Variants in ART3 observed in about 807,000 individuals in gnomAD.
The protein encoded by ART3 is ecto-ADP-ribosyltransferase 3.
Under a neutral mutation model 48.5 loss-of-function variants are expected in ART3, and 49 were observed. That is an observed-to-expected ratio of 1.01 (90% CI 0.80 to 1.28). ART3 has a LOEUF of 1.28. ART3 is among the 50% of genes most tolerant of loss of function. ART3 has a pLI of 0.00. For missense variants in ART3, 438 were observed against 454.3 expected, an observed-to-expected ratio of 0.96 and a Z score of 0.33; for synonymous variants, 145 against 157.2, an observed-to-expected ratio of 0.92 and a Z score of 0.58.
chr4:76,086,928 C>T (rs1185347892), intron 3 of ART3, among the ~76,000 whole-genome samples: 1 of 152,100 alleles, frequency 6.6e-6, no homozygotes, highest in Non-Finnish European at 1.5e-5. Flanking sequence ...GAAAACACTG[C>T]AAACCAGGGT....
chr4:76,100,398 C>A, intron 6 of ART3, 78 bp downstream of exon 6: 1 of 1,407,640 alleles, frequency 7.1e-7, no homozygotes, highest in South Asian at 1.2e-5. Flanking sequence ...TTTGGGAGGC[C>A]GAGGCGGGAG....
intron 1 of ART3, chr4:76,036,267 A>C (rs1368272073): frequency 2.7e-6 from 1 of 372,720 alleles, no homozygotes; most frequent in African/African-American, 2.1e-5. Context: ...GCACTGTGAA[A>C]ACCCAGATGG....
chr4:76,035,052 TTA>T (rs1560585902), intron 1 of ART3: 1 of 1,612,648 alleles, frequency 6.2e-7, no homozygotes, highest in Admixed American at 1.7e-5. Flanking sequence ...CTTACTTTGA[TTA>T]TAAGCCTTGC....
chr4:76,079,428 T>G (rs77004078), intron 2 of ART3, among the ~76,000 whole-genome samples: 16,940 of 152,194 alleles, frequency 0.11, 1,275 homozygotes, highest in East Asian at 0.35. Flanking sequence ...CGTATGAAGG[T>G]TCTTTGAACA....
intron 8 of ART3, among the ~76,000 whole-genome samples, chr4:76,101,972 C>G (rs984664297): frequency 6.6e-6 from 1 of 152,134 alleles, no homozygotes; most frequent in African/African-American, 2.4e-5. Flanking sequence ...ACAAAAATGC[C>G]TATCACAGTG....
intron 3 of ART3, among the ~76,000 whole-genome samples, chr4:76,094,837 C>T (rs1358776351): frequency 6.6e-6 from 1 of 152,146 alleles, no homozygotes; most frequent in African/African-American, 2.4e-5. Flanking sequence ...CTCTGGTACT[C>T]TGTCTATAAA....
chr4:76,081,697 C>G, intron 2 of ART3, 127 bp from the exon 3 acceptor site: 1 of 884,286 alleles, frequency 1.1e-6, no homozygotes, highest in Non-Finnish European at 1.8e-6. Flanking sequence ...AAAAACCTAC[C>G]CAAAATTGGT....
chr4:76,020,267 T>A (rs1166962515), intron 1 of ART3, among the ~76,000 whole-genome samples: 1 of 151,928 alleles, frequency 6.6e-6, no homozygotes, highest in Non-Finnish European at 1.5e-5. Flanking sequence ...GCTAAAAAAA[T>A]ATATTTTTTT....
intron 3 of ART3, among the ~76,000 whole-genome samples, chr4:76,088,740 G>C (rs145006709): frequency 6.6e-6 from 1 of 152,042 alleles, no homozygotes; most frequent in Non-Finnish European, 1.5e-5. Flanking sequence ...TAAGAAATTC[G>C]TACTTCTAAA....
At chr4:76,055,313 T>A (rs2149467210) in intron 1 of ART3, among the ~76,000 whole-genome samples, 1 of 152,344 alleles carries the variant, frequency 6.6e-6, no homozygotes, top group South Asian at 2.1e-4. Context: ...CCAGAATAAT[T>A]GCCATCATTT....
At chr4:76,096,253 A>G (rs1325286142) in intron 3 of ART3, among the ~76,000 whole-genome samples, 3 of 152,080 alleles carry the variant, frequency 2.0e-5, no homozygotes, top group Non-Finnish European at 2.9e-5. Flanking sequence ...TCTAGAACCA[A>G]TTTTTAAATT....
chr4:76,096,123 A>G (rs1382653467), intron 3 of ART3, among the ~76,000 whole-genome samples: 1 of 152,108 alleles, frequency 6.6e-6, no homozygotes, highest in African/African-American at 2.4e-5. Flanking sequence ...GGGTTTCACC[A>G]TGTTGGCCAG....
chr4:76,047,332 A>G (rs1735605033), intron 1 of ART3, among the ~76,000 whole-genome samples: 1 of 151,648 alleles, frequency 6.6e-6, no homozygotes, highest in Non-Finnish European at 1.5e-5. Flanking sequence ...CTTGGTCCCT[A>G]TTATAGGACA....
At chr4:76,022,954 A>G (rs1733006960) in intron 1 of ART3, 2 of 810,114 alleles carry the variant, frequency 2.5e-6, no homozygotes, top group East Asian at 5.1e-5. Flanking sequence ...AATGGATCAC[A>G]TCATAACACA....
At chr4:76,046,249 G>A (rs1285498629) in intron 1 of ART3, among the ~76,000 whole-genome samples, 1 of 152,026 alleles carries the variant, frequency 6.6e-6, no homozygotes, top group African/African-American at 2.4e-5. Context: ...GGGAGTCAGA[G>A]TGCAGGGGAA....
At chr4:76,013,516 G>A (rs1300825265) in intron 1 of ART3, among the ~76,000 whole-genome samples, 1 of 152,090 alleles carries the variant, frequency 6.6e-6, no homozygotes, top group Non-Finnish European at 1.5e-5. Context: ...ATTTCCTTGT[G>A]TCTACGTAGT....
At chr4:76,063,110 C>T (rs12233806) in intron 1 of ART3, among the ~76,000 whole-genome samples, 89,043 of 151,834 alleles carry the variant, frequency 0.59, 26,962 homozygotes, top group East Asian at 0.94. Flanking sequence ...TCTTTCACTG[C>T]GTAATTACTA....
chr4:76,023,252 C>G (rs1263117489), intron 1 of ART3: 4 of 740,984 alleles, frequency 5.4e-6, no homozygotes, highest in African/African-American at 1.8e-5. Context: ...CTATTTATTT[C>G]CCTCTTATTT....
upstream of ART3, among the ~76,000 whole-genome samples, chr4:76,071,253 G>T (rs970601102): frequency 3.3e-5 from 5 of 151,852 alleles, no homozygotes; most frequent in African/African-American, 1.2e-4. Context: ...CAGGAGAATC[G>T]CTTGAACTGG....
Sources: allele counts gnomAD v4.1 joint callset (sites outside exome capture counted in the v4.1 genomes callset), GRCh38; gene constraint gnomAD v4.1.1; transcripts MANE v1.5; gene names NCBI Gene and HGNC (gene_info 2026-07-23, HGNC 2026-07-21).